COL21A1: variants seen among roughly 807,000 people sequenced by gnomAD.
The protein encoded by COL21A1 is collagen type XXI alpha 1 chain, also known as collagen alpha-1(XXI) chain.
Under a neutral mutation model 137.9 loss-of-function variants are expected in COL21A1, and 149 were observed. That is an observed-to-expected ratio of 1.08 (90% CI 0.95 to 1.24). COL21A1 has a LOEUF of 1.24. Among genes scored for constraint, COL21A1 ranks in the 50% most tolerant of loss-of-function variants. The probability of loss-of-function intolerance (pLI) is 0.00; values close to 1 mark genes in which losing one functional copy is unlikely to be tolerated. For missense variants in COL21A1, 1,167 were observed against 1,158.4 expected (o/e 1.01, Z -0.11); for synonymous variants, 456 against 391.5 (o/e 1.16, Z -1.95).
chr6:56,062,820 C>G (rs1765925075), intron 24 of COL21A1, among the ~76,000 whole-genome samples: 1 of 152,080 alleles, frequency 6.6e-6, no homozygotes, highest in African/African-American at 2.4e-5. Flanking sequence ...AATCCAACAA[C>G]TAGGACCAAC....
intron 1 of COL21A1, among the ~76,000 whole-genome samples, chr6:56,372,058 C>T (rs1311783473): frequency 6.6e-6 from 1 of 152,144 alleles, no homozygotes; most frequent in Non-Finnish European, 1.5e-5. Flanking sequence ...GATGTTTATT[C>T]CCCCAGAGAA....
intron 1 of COL21A1, among the ~76,000 whole-genome samples, chr6:56,235,573 C>T (rs147077301): frequency 2.6e-4 from 39 of 151,898 alleles, no homozygotes; most frequent in African/African-American, 8.0e-4. Flanking sequence ...GAATACTGTT[C>T]GTGATAGTTC....
At chr6:56,247,676 T>C (rs1782730949), upstream of COL21A1, 1 of 152,130 alleles carries the variant, frequency 6.6e-6, no homozygotes, top group African/African-American at 2.4e-5. Context: ...TGGATCTGGA[T>C]CTTGAAGGGC....
intron 27 of COL21A1, 86 bp from the exon 28 acceptor site, chr6:56,060,304 G>GAA (rs1309370424): frequency 2.7e-6 from 3 of 1,102,706 alleles, no homozygotes; most frequent in Non-Finnish European, 3.9e-6. Flanking sequence ...AGTTTACAGA[G>GAA]AAAAAACTAC....
At chr6:56,303,972 T>C (rs1235187448) in intron 1 of COL21A1, among the ~76,000 whole-genome samples, 2 of 152,240 alleles carry the variant, frequency 1.3e-5, no homozygotes, top group East Asian at 3.8e-4. Context: ...AGGCCTTTTC[T>C]GCATCTGTTG....
At chr6:56,282,868 T>C (rs1327550325) in intron 1 of COL21A1, among the ~76,000 whole-genome samples, 6 of 152,216 alleles carry the variant, frequency 3.9e-5, no homozygotes, top group East Asian at 1.9e-4. Context: ...ACCTATTGTA[T>C]GGCCACTTGA....
chr6:56,095,050 T>C (rs12211223), intron 17 of COL21A1, among the ~76,000 whole-genome samples: 23,066 of 152,116 alleles, frequency 0.15, 1,756 homozygotes, highest in Middle Eastern at 0.22. Context: ...CTACCACTAG[T>C]ATTTACAGAA....
chr6:56,312,542 C>T (rs759900531), intron 1 of COL21A1, among the ~76,000 whole-genome samples: 2 of 152,104 alleles, frequency 1.3e-5, no homozygotes, highest in Non-Finnish European at 1.5e-5. Flanking sequence ...TTTGAGATAT[C>T]TCTCAGATGG....
intron 1 of COL21A1, among the ~76,000 whole-genome samples, chr6:56,201,083 T>C (rs1779372811): frequency 6.6e-6 from 1 of 152,182 alleles, no homozygotes; most frequent in East Asian, 1.9e-4. Context: ...CATGTGTCTG[T>C]TGGCTGCATA....
At chr6:56,368,975 G>A (rs1766162940) in intron 1 of COL21A1, among the ~76,000 whole-genome samples, 1 of 152,074 alleles carries the variant, frequency 6.6e-6, no homozygotes, top group African/African-American at 2.4e-5. Context: ...TCTGTAGAAT[G>A]GGCAGCATGG....
intron 16 of COL21A1, among the ~76,000 whole-genome samples, chr6:56,112,321 A>G (rs148855825): frequency 6.1e-4 from 93 of 152,332 alleles, no homozygotes; most frequent in African/African-American, 2.1e-3. Flanking sequence ...AAGATGGAGT[A>G]GAAAGCTCCA....
At chr6:56,190,949 C>T (rs1001958779) in intron 1 of COL21A1, among the ~76,000 whole-genome samples, 3 of 152,120 alleles carry the variant, frequency 2.0e-5, no homozygotes, top group Admixed American at 1.3e-4. Context: ...ATCAATGGAA[C>T]GTATCTTAAA....
At chr6:56,072,436 G>A (rs1453307727) in intron 20 of COL21A1, among the ~76,000 whole-genome samples, 1 of 151,392 alleles carries the variant, frequency 6.6e-6, no homozygotes, top group Admixed American at 6.6e-5. Flanking sequence ...CTAAAGATCT[G>A]CCTCAGTTTC....
intron 1 of COL21A1, among the ~76,000 whole-genome samples, chr6:56,197,941 T>C (rs952388502): frequency 6.6e-6 from 1 of 152,050 alleles, no homozygotes; most frequent in Non-Finnish European, 1.5e-5. Context: ...AGCCGAGATA[T>C]GGAAACAACC....
chr6:56,121,047 G>T (rs1339133452), intron 16 of COL21A1, among the ~76,000 whole-genome samples: 1 of 152,140 alleles, frequency 6.6e-6, no homozygotes, highest in East Asian at 1.9e-4. Context: ...ATGAGATCCA[G>T]TCATTTGCAA....
intron 1 of COL21A1, among the ~76,000 whole-genome samples, chr6:56,261,051 A>ACTTCTTTGC (rs11280806): frequency 0.89 from 134,715 of 151,708 alleles, 59,950 homozygotes; most frequent in African/African-American, 0.93. Context: ...TTTTCTTGAC[A>ACTTCTTTGC]CTTCACTTTT....
chr6:56,337,652 T>C (rs959125496), intron 1 of COL21A1, among the ~76,000 whole-genome samples: 8 of 152,232 alleles, frequency 5.3e-5, no homozygotes, highest in African/African-American at 1.9e-4. Flanking sequence ...CACAGAATTC[T>C]AGTGAAGATA....
intron 1 of COL21A1, among the ~76,000 whole-genome samples, chr6:56,268,274 C>T (rs961151512): frequency 1.2e-4 from 19 of 152,128 alleles, no homozygotes; most frequent in African/African-American, 3.9e-4. Context: ...ATGGCCTCTA[C>T]CCAAAGTAGC....
At chr6:56,267,767 A>G (rs1582744345) in intron 1 of COL21A1, among the ~76,000 whole-genome samples, 1 of 129,718 alleles carries the variant, frequency 7.7e-6, no homozygotes, top group African/African-American at 2.7e-5. Context: ...AAAAAAAAAA[A>G]AAAAAGAAGA....
Sources: allele counts gnomAD v4.1 joint callset (sites outside exome capture counted in the v4.1 genomes callset), GRCh38; gene constraint gnomAD v4.1.1; transcripts MANE v1.5; gene names NCBI Gene and HGNC (gene_info 2026-07-23, HGNC 2026-07-21).